USP9X: variants seen among roughly 807,000 people sequenced by gnomAD.
USP9X encodes ubiquitin carboxyl-terminal hydrolase 9X.
Under a neutral mutation model 190.3 loss-of-function variants are expected in USP9X, and 7 were observed. The observed-to-expected ratio is 0.04, with a 90% CI of 0.02 to 0.07. USP9X has a LOEUF of 0.07. Among genes scored for constraint, USP9X ranks in the 10% least tolerant of loss-of-function variants. USP9X has a pLI of 1.00. For missense variants in USP9X, 1,010 were observed against 1,916.9 expected (o/e 0.53, Z 8.83); for synonymous variants, 645 against 659.5 (o/e 0.98, Z 0.34).
chrX:41,112,019 A>G (rs889632081), intron 1 of USP9X, among the ~76,000 whole-genome samples: 2 of 110,275 alleles, frequency 1.8e-5, no homozygotes, highest in African/African-American at 6.6e-5. Context: ...CTAATTTTGT[A>G]TTTTTAGTAG....
At chrX:41,094,548 C>T (rs2061976051) in intron 1 of USP9X, among the ~76,000 whole-genome samples, 1 of 110,598 alleles carries the variant, frequency 9.0e-6, no homozygotes, top group African/African-American at 3.3e-5. Flanking sequence ...GCTTTGTTAT[C>T]CTCGGTGCAT....
At chrX:41,162,659 G>A in intron 14 of USP9X, 131 bp from the exon 15 acceptor site, 1 of 436,414 alleles carries the variant, frequency 2.3e-6, no homozygotes, top group Non-Finnish European at 3.7e-6. Context: ...CCACCAACTG[G>A]TAGAATTTAG....
At chrX:41,116,736 A>G (rs1028437532) in intron 1 of USP9X, among the ~76,000 whole-genome samples, 1 of 110,837 alleles carries the variant, frequency 9.0e-6, no homozygotes, top group African/African-American at 3.3e-5. Context: ...TGTGCTTGCT[A>G]TTTGTGAGAC....
intron 15 of USP9X, among the ~76,000 whole-genome samples, chrX:41,164,939 A>G (rs1231610095): frequency 8.9e-6 from 1 of 111,836 alleles, no homozygotes; most frequent in African/African-American, 3.3e-5. Context: ...TTCCTCTCCC[A>G]ACAACTGGTG....
At chrX:41,205,602 G>T in intron 32 of USP9X, 109 bp downstream of exon 32, 17 of 714,823 alleles carry the variant, frequency 2.4e-5, no homozygotes, top group South Asian at 9.5e-5. Flanking sequence ...TTTAAGCACT[G>T]GTAATATTCA....
chrX:41,189,107 A>G (rs1401121159), intron 25 of USP9X, among the ~76,000 whole-genome samples: 1 of 112,336 alleles, frequency 8.9e-6, no homozygotes, highest in Non-Finnish European at 1.9e-5. Context: ...GACATAGGAA[A>G]ATAATGGAAT....
intron 1 of USP9X, among the ~76,000 whole-genome samples, chrX:41,117,201 T>G (rs2062154464): frequency 9.0e-6 from 1 of 111,729 alleles, no homozygotes; most frequent in Non-Finnish European, 1.9e-5. Flanking sequence ...AAGCAGAAGA[T>G]GATTTAGTTC....
intron 1 of USP9X, among the ~76,000 whole-genome samples, chrX:41,110,922 A>G: frequency 8.9e-6 from 1 of 111,803 alleles, no homozygotes. Flanking sequence ...GGATGCTGTT[A>G]AAATAGGAGT....
chrX:41,182,972 C>G (rs1462442048), intron 21 of USP9X, among the ~76,000 whole-genome samples: 1 of 104,062 alleles, frequency 9.6e-6, no homozygotes, highest in African/African-American at 3.5e-5. Context: ...GAGTTTCGCT[C>G]TTGTTGCCCA....
chrX:41,088,307 G>A (rs2061928442), intron 1 of USP9X, among the ~76,000 whole-genome samples: 1 of 111,898 alleles, frequency 8.9e-6, no homozygotes, highest in Non-Finnish European at 1.9e-5. Context: ...TTCTTCCAGA[G>A]TCTTGTTTTT....
chrX:41,125,643 AACACACACACACACACACACACAC>A (rs748348083), intron 2 of USP9X, among the ~76,000 whole-genome samples: 2 of 27,701 alleles, frequency 7.2e-5, no homozygotes, highest in South Asian at 5.6e-3. Flanking sequence ...CCCTCCCGCC[AACACACACACACACACACACACAC>A]ACACACACAC....
At chrX:41,129,556 A>G (rs1415627354) in intron 3 of USP9X, among the ~76,000 whole-genome samples, 5 of 111,746 alleles carry the variant, frequency 4.5e-5, no homozygotes, top group Non-Finnish European at 7.5e-5. Context: ...TTTGGTCTTC[A>G]TCTCAGGGAA....
rs186789213 is a variant in USP9X, at chrX:41,094,675, G to A, written c.-159+8566G>A. Among the ~76,000 whole-genome samples, 381 of 111,029 alleles carry A rather than the reference G, an allele frequency of 3.4e-3. 1 individual carries two copies. The highest frequency in any genetic ancestry group is 5.3e-3 in the Non-Finnish European group (283 of 52,972). On this transcript the variant is annotated intron_variant, in intron 1 of 44. Transcript: ENST00000378308. ...AATATTTGGGATCAGAAGTGTTTCC[G>A]ATTTTGTAATTTTTTCCCCATATTT...
chrX:41,160,036 T>TA (rs112131751), intron 14 of USP9X, among the ~76,000 whole-genome samples: 20,807 of 109,250 alleles, frequency 0.19, 1,583 homozygotes, highest in Admixed American at 0.26. Flanking sequence ...AATGAACTTT[T>TA]AAAATAAGTT....
At chrX:41,223,625 C>T (rs1204704029) in intron 39 of USP9X, among the ~76,000 whole-genome samples, 4 of 110,994 alleles carry the variant, frequency 3.6e-5, no homozygotes, top group Non-Finnish European at 5.7e-5. Context: ...TTAGCAGAGA[C>T]GGGGTTTCGC....
chrX:41,225,977 T>G (rs2063308766), intron 41 of USP9X, among the ~76,000 whole-genome samples: 1 of 112,515 alleles, frequency 8.9e-6, no homozygotes. Flanking sequence ...TGTTTACAGT[T>G]TAAGCTGAAA....
At chrX:41,177,196 C>A (rs951062950) in intron 21 of USP9X, among the ~76,000 whole-genome samples, 1 of 112,294 alleles carries the variant, frequency 8.9e-6, no homozygotes, top group African/African-American at 3.2e-5. Context: ...GTAATATCAT[C>A]TAATCTGCAG....
At chrX:41,108,930 C>T (rs1479469304) in intron 1 of USP9X, among the ~76,000 whole-genome samples, 1 of 111,380 alleles carries the variant, frequency 9.0e-6, no homozygotes, top group Non-Finnish European at 1.9e-5. Context: ...TTCTTAGCCA[C>T]TCTTGGTGCA....
At chrX:41,127,429 T>C (rs946720344) in intron 2 of USP9X, among the ~76,000 whole-genome samples, 2 of 112,401 alleles carry the variant, frequency 1.8e-5, no homozygotes, top group Non-Finnish European at 3.8e-5. Context: ...GTGGTGTTTA[T>C]AGGTGTGGAA....
Sources: allele counts gnomAD v4.1 joint callset (sites outside exome capture counted in the v4.1 genomes callset), GRCh38; gene constraint gnomAD v4.1.1; transcripts MANE v1.5; gene names NCBI Gene and HGNC (gene_info 2026-07-23, HGNC 2026-07-21).